Variants in DGUOK observed in about 807,000 individuals in gnomAD.
The protein encoded by DGUOK is deoxyguanosine kinase, also known as deoxyguanosine kinase, mitochondrial.
Under a neutral mutation model 36.6 loss-of-function variants are expected in DGUOK, and 30 were observed. That is an observed-to-expected ratio of 0.82 (90% CI 0.61 to 1.11). DGUOK has a LOEUF of 1.11. Ranked by LOEUF, DGUOK falls within the 50% of genes most tolerant of loss-of-function variation. The pLI is 0.00. For synonymous variants in DGUOK, 145 were observed against 126.3 expected (o/e 1.15, Z -0.99); for missense variants, 361 against 336.4 (o/e 1.07, Z -0.57).
chr2:73,942,106 C>T (rs547763470), intron 2 of DGUOK, among the ~76,000 whole-genome samples: 361 of 152,138 alleles, frequency 2.4e-3, no homozygotes, highest in Middle Eastern at 6.8e-3. Flanking sequence ...GATGGGGTTT[C>T]ACCATGTTGG....
chr2:73,947,763 T>C (rs1037154586), intron 3 of DGUOK: 1 of 152,246 alleles, frequency 6.6e-6, no homozygotes, highest in African/African-American at 2.4e-5. Flanking sequence ...GAATGACCAG[T>C]GTCAGTGTGA....
At chr2:73,944,907 T>C (rs1316014442) in intron 2 of DGUOK, among the ~76,000 whole-genome samples, 1 of 152,198 alleles carries the variant, frequency 6.6e-6, no homozygotes, top group East Asian at 1.9e-4. Flanking sequence ...CTCCTACTTC[T>C]ACCTCCAGCT....
intron 2 of DGUOK, 44 bp downstream of exon 2, chr2:73,939,066 T>A: frequency 8.0e-7 from 1 of 1,255,356 alleles, no homozygotes; most frequent in Non-Finnish European, 1.2e-6. Context: ...CATGGGTGAA[T>A]AATCTAATTG....
Position 73,930,782 on chromosome 2 carries a change from C to CT in DGUOK, c.142+3741dup, listed in dbSNP as rs1020072202. 2.6e-3 allele frequency among the ~76,000 whole-genome samples: 244 copies of CT among 95,434 alleles called. 5 individuals are homozygous for CT. The highest frequency in any genetic ancestry group is 6.7e-3 in the African/African-American group (179 of 26,772). The allele number at this position is 95,434 out of a possible 152,430, so 62.6% of individuals were successfully genotyped here. A position where few individuals can be genotyped will look rare whatever the true frequency, so the allele number is the denominator to read the frequency against. ...GAGAAAACAGATTCGACATAATTTT[C>CT]TTTTTTTTTTTCTTTTTTTTTTTTT... On this transcript the variant is annotated intron_variant, in intron 1 of 6. Transcript: ENST00000264093.
chr2:73,932,972 T>C lies in DGUOK; in HGVS notation c.142+5920T>C, dbSNP rs548779656. 2.0e-5 allele frequency among the ~76,000 whole-genome samples: 3 copies of C among 152,324 alleles called. No homozygotes were observed. The East Asian group carries it at 5.8e-4, about 29-fold the overall frequency. On this transcript the variant is annotated intron_variant, in intron 1 of 6. Transcript: ENST00000264093. ...TTATCTTACGATTACAAGCGTAAAT[T>C]GAAGAAAAGATTGCTGTATGAAATC...
chr2:73,933,932 T>C (rs916914166), intron 1 of DGUOK, among the ~76,000 whole-genome samples: 1 of 152,218 alleles, frequency 6.6e-6, no homozygotes, highest in Non-Finnish European at 1.5e-5. Context: ...GAAGGACTTT[T>C]TAAAAAAGAC....
chr2:73,927,079 C>G, intron 1 of DGUOK, 27 bp downstream of exon 1: 1 of 1,604,372 alleles, frequency 6.2e-7, no homozygotes, highest in South Asian at 1.1e-5. Flanking sequence ...GGCTGCCAAG[C>G]CTTGGCCTCC....
Position 73,958,837 on chromosome 2 carries a change from A to C in DGUOK, c.*101A>C. 1.0e-6 allele frequency: 1 copy of C among 990,036 alleles called. No individual in the cohort carries two copies. The highest frequency in any genetic ancestry group is 1.6e-6 in the Non-Finnish European group (1 of 611,942). 61.3% of individuals were successfully genotyped at this position (990,036 alleles called of 1,614,324 possible). A position where few individuals can be genotyped will look rare whatever the true frequency, so the allele number is the denominator to read the frequency against. On this transcript the variant is annotated 3_prime_UTR_variant, in exon 7 of 7. Transcript: ENST00000264093. ...CACCTTTCCATCCCCAGCCCCTCTC[A>C]TCCCTGGAGCACTCTGCCGCTCAAG...
Position 73,958,744 on chromosome 2 carries a change from C to G in DGUOK, c.*8C>G. The G allele has an allele frequency of 6.2e-7, 1 of 1,610,478 alleles. No individual in the cohort carries two copies. Among genetic ancestry groups the G allele is most frequent in the Non-Finnish European group, 8.5e-7 (1 of 1,176,636 alleles). On this transcript the variant is annotated 3_prime_UTR_variant, in exon 7 of 7. Coordinates refer to ENST00000264093, the MANE Select transcript of DGUOK (RefSeq NM_080916.3). Reference sequence around the variant, plus strand: ...TTTGTAAAGAATCTGTAACCAATACCATGAAGTTCAGGCTGTGATCTGGGC... The same window carrying G: ...TTTGTAAAGAATCTGTAACCAATACGATGAAGTTCAGGCTGTGATCTGGGC...
chr2:73,945,568 G>GT (rs541500060), intron 2 of DGUOK, among the ~76,000 whole-genome samples: 2 of 152,272 alleles, frequency 1.3e-5, no homozygotes, highest in South Asian at 4.1e-4. Context: ...ATTAATTGAG[G>GT]TAACATACCA....
chr2:73,939,695 G>A (rs908452005), intron 2 of DGUOK, among the ~76,000 whole-genome samples: 9 of 152,166 alleles, frequency 5.9e-5, no homozygotes, highest in South Asian at 2.1e-4. Flanking sequence ...TGCTCCTGCC[G>A]CCACCTGGGA....
At chr2:73,947,167 A>G in intron 3 of DGUOK, 1 of 477,480 alleles carries the variant, frequency 2.1e-6, no homozygotes. Flanking sequence ...ATGTTTCCTT[A>G]TTTTCTGGCA....
intron 2 of DGUOK, among the ~76,000 whole-genome samples, chr2:73,942,851 T>C (rs1290513467): frequency 6.6e-6 from 1 of 152,262 alleles, no homozygotes; most frequent in Non-Finnish European, 1.5e-5. Context: ...GACCGTGTGG[T>C]ACACGTACCC....
chr2:73,946,706 C>A lies in DGUOK; in HGVS notation c.256-13C>A. ...TTCTAGGAAATTTTCTTCTTTTTTT[C>A]ATCTCCCTCTAGGCCTGCACTGCCC... On this transcript the variant is annotated splice_polypyrimidine_tract_variant and intron_variant, in intron 2 of 6. Transcript: ENST00000264093. The A allele has an allele frequency of 1.2e-6, 2 of 1,613,486 alleles. No individual in the cohort carries two copies. The highest frequency in any genetic ancestry group is 1.7e-6 in the Non-Finnish European group (2 of 1,179,562).
Position 73,926,919 on chromosome 2 carries a change from G to A in DGUOK, c.9G>A (p.Ala3=). 6.2e-7 allele frequency: 1 copy of A among 1,613,438 alleles called. No individual in the cohort carries two copies. Residue 3 remains alanine (A), a synonymous_variant, in exon 1 of 7, where the codon GCG becomes GCA. Coordinates refer to ENST00000264093, the MANE Select transcript of DGUOK (RefSeq NM_080916.3). ...TGTGAATCGTGGGTGGGATGGCCGC[G>A]GGCCGCCTCTTTCTAAGTCGGCTTC... MA[A]GRLFLSRLRA...
chr2:73,940,429 G>A (rs1681818491), intron 2 of DGUOK, among the ~76,000 whole-genome samples: 1 of 152,088 alleles, frequency 6.6e-6, no homozygotes, highest in African/African-American at 2.4e-5. Context: ...CCAGAATTGT[G>A]TTACCTTTTG....
At chr2:73,952,195 A>G (rs775776245) in intron 4 of DGUOK, among the ~76,000 whole-genome samples, 13 of 152,184 alleles carry the variant, frequency 8.5e-5, no homozygotes, top group Non-Finnish European at 1.9e-4. Flanking sequence ...TGAACTAAAG[A>G]TTCAGTGAGG....
rs1367381552 is a variant in DGUOK, at chr2:73,926,925, C to T, written c.15C>T (p.Arg5=). The T allele has an allele frequency of 3.7e-6, 6 of 1,613,436 alleles. No individual in the cohort carries two copies. Among genetic ancestry groups the T allele is most frequent in the Non-Finnish European group, 4.2e-6 (5 of 1,180,032 alleles). Residue 5 remains arginine (R), a synonymous_variant, in exon 1 of 7, where the codon CGC becomes CGT. Transcript: ENST00000264093. ...TCGTGGGTGGGATGGCCGCGGGCCGCCTCTTTCTAAGTCGGCTTCGAGCAC... is the reference window on the plus strand; with the variant it reads ...TCGTGGGTGGGATGGCCGCGGGCCGTCTCTTTCTAAGTCGGCTTCGAGCAC... MAAG[R]LFLSRLRAPF... is the part of the protein sequence containing the mutation.
intron 2 of DGUOK, among the ~76,000 whole-genome samples, chr2:73,945,644 G>A (rs1682245138): frequency 6.6e-6 from 1 of 152,100 alleles, no homozygotes; most frequent in Non-Finnish European, 1.5e-5. Flanking sequence ...CCCATGTAGC[G>A]CCTCATCCAC....
Sources: allele counts gnomAD v4.1 joint callset (sites outside exome capture counted in the v4.1 genomes callset), GRCh38; gene constraint gnomAD v4.1.1; transcripts MANE v1.5; gene names NCBI Gene and HGNC (gene_info 2026-07-23, HGNC 2026-07-21).